Variants in HSF2BP observed in about 807,000 individuals in gnomAD.
HSF2BP encodes the protein heat shock transcription factor 2 binding protein, also known as heat shock factor 2-binding protein.
HSF2BP carries 35 observed loss-of-function variants against 35.0 expected under a neutral mutation model. The observed-to-expected ratio is 1.00, with a 90% CI of 0.76 to 1.32. The LOEUF (loss-of-function observed/expected upper bound fraction) is 1.32, where lower values mean the gene tolerates loss of function less well. HSF2BP is among the 40% of genes most tolerant of loss of function. The pLI is 0.00. For missense variants in HSF2BP, 326 were observed against 321.7 expected, an observed-to-expected ratio of 1.01 and a Z score of -0.10; for synonymous variants, 114 against 117.4, an observed-to-expected ratio of 0.97 and a Z score of 0.18.
intron 8 of HSF2BP, among the ~76,000 whole-genome samples, chr21:43,591,113 T>C (rs1447277099): frequency 6.6e-6 from 1 of 152,210 alleles, no homozygotes; most frequent in East Asian, 1.9e-4. Flanking sequence ...GAAAATTAAT[T>C]TATTTTTATA....
chr21:43,578,592 C>T (rs376331302), intron 8 of HSF2BP, among the ~76,000 whole-genome samples: 12 of 152,172 alleles, frequency 7.9e-5, no homozygotes, highest in African/African-American at 2.9e-4. Context: ...GCGACGAGCT[C>T]GGCACTGTAC....
intron 8 of HSF2BP, among the ~76,000 whole-genome samples, chr21:43,584,999 T>A (rs147512119): frequency 5.6e-4 from 85 of 150,990 alleles, no homozygotes; most frequent in East Asian, 2.5e-3. Context: ...TATTTAATTA[T>A]TTATTTATTT....
chr21:43,590,904 G>A (rs564257277), intron 8 of HSF2BP, among the ~76,000 whole-genome samples: 1 of 152,282 alleles, frequency 6.6e-6, no homozygotes, highest in Admixed American at 6.5e-5. Context: ...GAGGTGATGG[G>A]TTTGCACATT....
rs575457477 is a variant in HSF2BP, at chr21:43,572,598, C to T, written c.796+19627G>A. On this transcript the variant is annotated intron_variant, in intron 8 of 8. Transcript: ENST00000291560. The stretch of plus-strand genomic sequence containing the variant: ...ACTCCCTAGGGCTTCAGCAGCAACG[C>T]CTCCTCTCCAGCTGCTCCCTGGCAC... Among the ~76,000 whole-genome samples the T allele has an allele frequency of 7.9e-5, 12 of 152,332 alleles. No homozygotes were observed. The South Asian group carries it at 2.1e-3, about 26-fold the overall frequency.
chr21:43,615,575 G>C (rs1292466927), intron 6 of HSF2BP, among the ~76,000 whole-genome samples: 1 of 152,080 alleles, frequency 6.6e-6, no homozygotes, highest in Non-Finnish European at 1.5e-5. Flanking sequence ...CTTTCTACTT[G>C]TCTTTGCAGC....
At position 43,612,045 on chromosome 21, in the gene HSF2BP, G is replaced by A. The variant is rs555288910; in HGVS notation, c.692+1785C>T. On this transcript the variant is annotated intron_variant, in intron 7 of 8. Transcript: ENST00000291560. ...AGACTGGCCACTGGGCGGCACTCACGAGGGGCAGTTCCAATAGCACTGTAA... is the reference window on the plus strand; with the variant it reads ...AGACTGGCCACTGGGCGGCACTCACAAGGGGCAGTTCCAATAGCACTGTAA... Among the ~76,000 whole-genome samples the A allele has an allele frequency of 7.9e-5, 12 of 152,234 alleles. No homozygotes were observed. The South Asian group carries it at 1.5e-3, about 18-fold the overall frequency.
At chr21:43,501,425 A>T in the HSF2BP span, among the ~76,000 whole-genome samples, 1 of 51,622 alleles carries the variant, frequency 1.9e-5, no homozygotes, top group South Asian at 6.2e-4. Context: ...TTTTTTTGAG[A>T]CGGAGTCTTG....
intron 4 of HSF2BP, among the ~76,000 whole-genome samples, chr21:43,643,217 A>T (rs908537343): frequency 6.6e-6 from 1 of 152,168 alleles, no homozygotes; most frequent in Non-Finnish European, 1.5e-5. Flanking sequence ...AATTACATGT[A>T]CTTCTGATTT....
At chr21:43,585,059 C>CA (rs1568887936) in intron 8 of HSF2BP, among the ~76,000 whole-genome samples, 1 of 151,728 alleles carries the variant, frequency 6.6e-6, no homozygotes, top group African/African-American at 2.4e-5. Flanking sequence ...GTAATCCCAG[C>CA]ACTTTCGGAA....
intron 3 of HSF2BP, among the ~76,000 whole-genome samples, chr21:43,647,921 TTC>T (rs1293589210): frequency 6.8e-6 from 1 of 147,346 alleles, no homozygotes; most frequent in African/African-American, 2.5e-5. Context: ...AGAGCAAGAC[TTC>T]ATCTCAAAAA....
Position 43,658,097 on chromosome 21 carries a change from G to T in HSF2BP, c.-1C>A, listed in dbSNP as rs111912076. 1.4e-5 allele frequency: 22 copies of T among 1,534,226 alleles called. No individual in the cohort carries two copies. The Admixed American group carries it at 4.1e-4, about 29-fold the overall frequency. ...CCTCAGCGGCGCCCGCTTCGCCCATGGCCGCTGCCGCCTCCGCTCCGTTCG... is the reference window on the plus strand; with the variant it reads ...CCTCAGCGGCGCCCGCTTCGCCCATTGCCGCTGCCGCCTCCGCTCCGTTCG... On this transcript the variant is annotated 5_prime_UTR_variant, in exon 2 of 9. Coordinates refer to ENST00000291560, the MANE Select transcript of HSF2BP (RefSeq NM_007031.2).
At chr21:43,640,387 T>G (rs1315091067) in intron 4 of HSF2BP, among the ~76,000 whole-genome samples, 1 of 152,232 alleles carries the variant, frequency 6.6e-6, no homozygotes, top group Non-Finnish European at 1.5e-5. Flanking sequence ...TATTAGTGAT[T>G]GCCAGGGGCA....
At chr21:43,576,058 C>T (rs532025542) in intron 8 of HSF2BP, among the ~76,000 whole-genome samples, 7 of 146,748 alleles carry the variant, frequency 4.8e-5, no homozygotes, top group African/African-American at 1.8e-4. Context: ...GCAGAGGTTG[C>T]AGTAAGCCAA....
chr21:43,612,422 C>T (rs567433577), intron 7 of HSF2BP, among the ~76,000 whole-genome samples: 18 of 152,018 alleles, frequency 1.2e-4, no homozygotes, highest in African/African-American at 3.9e-4. Flanking sequence ...GAGGCCAAGG[C>T]GGGTGGATCA....
chr21:43,507,545 C>T, the HSF2BP span, among the ~76,000 whole-genome samples: 1 of 11,372 alleles, frequency 8.8e-5, no homozygotes, highest in South Asian at 2.2e-3. Flanking sequence ...GATGTTAATC[C>T]GACTGGGCTA....
Position 43,612,650 on chromosome 21 carries a change from CAAA to C in HSF2BP, c.692+1177_692+1179del, listed in dbSNP as rs762585967. ...CGGGTGACAGAGCAAGACTCCGTCT[CAAA>C]AAAAAAAAAAAAAAAAAAAGTGCTC... On this transcript the variant is annotated intron_variant, in intron 7 of 8. Coordinates refer to ENST00000291560, the MANE Select transcript of HSF2BP (RefSeq NM_007031.2). Among the ~76,000 whole-genome samples the C allele has an allele frequency of 2.1e-3, 164 of 76,500 alleles. 2 individuals carry two copies. The highest frequency in any genetic ancestry group is 7.9e-3 in the African/African-American group (157 of 19,862). 50.2% of individuals were successfully genotyped at this position (76,500 alleles called of 152,430 possible). A position where few individuals can be genotyped will look rare whatever the true frequency, so the allele number is the denominator to read the frequency against.
intron 8 of HSF2BP, among the ~76,000 whole-genome samples, chr21:43,586,581 T>C (rs1326502433): frequency 2.0e-5 from 3 of 152,148 alleles, no homozygotes; most frequent in Non-Finnish European, 4.4e-5. Flanking sequence ...TGCATTTTAA[T>C]ATACATTAAG....
At chr21:43,655,289 A>C (rs1486508891) in intron 3 of HSF2BP, among the ~76,000 whole-genome samples, 1 of 152,212 alleles carries the variant, frequency 6.6e-6, no homozygotes, top group Non-Finnish European at 1.5e-5. Context: ...AATCAAAACT[A>C]GAGAAATTAG....
At chr21:43,501,397 C>CTTTTTTTT in the HSF2BP span, among the ~76,000 whole-genome samples, 1 of 65,232 alleles carries the variant, frequency 1.5e-5, no homozygotes, top group Non-Finnish European at 2.7e-5. Flanking sequence ...CTGTAGCTGT[C>CTTTTTTTT]TTTTTTTTTT....
Sources: gnomAD v4.1 joint callset for allele counts (sites outside exome capture counted in the v4.1 genomes callset) on GRCh38, gnomAD v4.1.1 for gene constraint, MANE v1.5 for transcripts, NCBI Gene and HGNC (gene_info 2026-07-23, HGNC 2026-07-21) for gene names.